SHANK2: variants seen among roughly 807,000 people sequenced by gnomAD.
The protein encoded by SHANK2 is SH3 and multiple ankyrin repeat domains protein 2.
Under a neutral mutation model 133.7 loss-of-function variants are expected in SHANK2, and 43 were observed. The observed-to-expected ratio is 0.32, with a 90% CI of 0.25 to 0.41. The LOEUF (loss-of-function observed/expected upper bound fraction) is 0.41. Among genes scored for constraint, SHANK2 ranks in the 10% least tolerant of loss-of-function variants. SHANK2 has a pLI of 1.00. For missense variants in SHANK2, 1,994 were observed against 2,235.8 expected (o/e 0.89, Z 2.18); for synonymous variants, 1,017 against 952.8 (o/e 1.07, Z -1.24).
chr11:70,672,246 T>C (rs1555016259), intron 15 of SHANK2, among the ~76,000 whole-genome samples: 1 of 152,048 alleles, frequency 6.6e-6, no homozygotes, highest in Non-Finnish European at 1.5e-5. Flanking sequence ...ATATTTTTAG[T>C]AGAGACAGGG....
intron 14 of SHANK2, among the ~76,000 whole-genome samples, chr11:70,761,939 T>C (rs1230094942): frequency 6.6e-6 from 1 of 152,166 alleles, no homozygotes; most frequent in African/African-American, 2.4e-5. Flanking sequence ...CTGCTGCTGC[T>C]GGTCTGGGGC....
At chr11:70,826,907 CA>C (rs1480014585) in intron 11 of SHANK2, 3 of 196,662 alleles carry the variant, frequency 1.5e-5, no homozygotes, top group Non-Finnish European at 3.2e-5. Context: ...GCTCGAGCCC[CA>C]GTTATCCAAG....
At chr11:70,845,904 A>G (rs1266127856) in intron 11 of SHANK2, among the ~76,000 whole-genome samples, 1 of 152,284 alleles carries the variant, frequency 6.6e-6, no homozygotes, top group South Asian at 2.1e-4. Flanking sequence ...TGAAACAACA[A>G]GCAACGCACT....
chr11:70,501,822 C>A, intron 20 of SHANK2, 101 bp downstream of exon 20: 1 of 1,219,154 alleles, frequency 8.2e-7, no homozygotes. Context: ...ACGTGGGGAG[C>A]AGCTCACACA....
rs74338233 is a variant in SHANK2, at chr11:70,913,836, G to A, written c.1108-17269C>T. Among the ~76,000 whole-genome samples, 90 of 152,262 alleles carry A rather than the reference G, an allele frequency of 5.9e-4. 2 individuals carry two copies. In the East Asian group the frequency reaches 0.016, roughly 28 times the overall value. The stretch of plus-strand genomic sequence containing the variant: ...GATGGCCAGGCTCTCTGTGCTTCTG[G>A]TTCAATCAGAGCCGGTCTTTTCATT... On this transcript the variant is annotated intron_variant, in intron 10 of 25. Transcript: ENST00000601538.
intron 17 of SHANK2, among the ~76,000 whole-genome samples, chr11:70,509,276 G>A (rs2059170701): frequency 6.6e-6 from 1 of 152,210 alleles, no homozygotes; most frequent in African/African-American, 2.4e-5. Context: ...AGCACCAGCT[G>A]TTGCCCATGC....
chr11:70,617,174 G>A lies in SHANK2; in HGVS notation c.2061+42654C>T, dbSNP rs543251415. ...GAAAGGGTGTGTGAGCTGTCTGTGT[G>A]TGTGTGTCAGTGTCTATGAATGTGT... On this transcript the variant is annotated intron_variant, in intron 17 of 25. Coordinates refer to ENST00000601538, the MANE Select transcript of SHANK2 (RefSeq NM_012309.5). Among the ~76,000 whole-genome samples, 7 of 151,906 alleles carry A rather than the reference G, an allele frequency of 4.6e-5. No individual in the cohort carries two copies. The East Asian group carries it at 1.4e-3, about 29-fold the overall frequency.
At chr11:71,105,091 G>C (rs117014693) in intron 6 of SHANK2, among the ~76,000 whole-genome samples, 3 of 152,274 alleles carry the variant, frequency 2.0e-5, no homozygotes, top group Non-Finnish European at 4.4e-5. Context: ...TGTCCTTTAG[G>C]AGGCAAGTGG....
chr11:71,243,100 T>C (rs978792991), intron 1 of SHANK2, among the ~76,000 whole-genome samples: 2 of 152,208 alleles, frequency 1.3e-5, no homozygotes, highest in Non-Finnish European at 1.5e-5. Flanking sequence ...TAAATGTCTA[T>C]GTTAAAAAGA....
At chr11:70,602,789 G>A (rs1361168979) in intron 17 of SHANK2, among the ~76,000 whole-genome samples, 1 of 152,150 alleles carries the variant, frequency 6.6e-6, no homozygotes, top group Non-Finnish European at 1.5e-5. Context: ...AGTATAAATT[G>A]TATAACATTA....
intron 10 of SHANK2, among the ~76,000 whole-genome samples, chr11:70,914,431 G>A (rs1163159869): frequency 2.6e-5 from 4 of 151,932 alleles, no homozygotes; most frequent in Admixed American, 1.3e-4. Context: ...GGGCCTTCCC[G>A]GGAATACAGA....
At chr11:70,577,664 C>T (rs1037146998) in intron 17 of SHANK2, among the ~76,000 whole-genome samples, 4 of 152,202 alleles carry the variant, frequency 2.6e-5, no homozygotes, top group Non-Finnish European at 5.9e-5. Context: ...AGGCCCACCC[C>T]CACCTGAGCA....
intron 8 of SHANK2, among the ~76,000 whole-genome samples, chr11:71,090,204 GTCC>G (rs1951483844): frequency 2.1e-5 from 2 of 97,488 alleles, no homozygotes; most frequent in African/African-American, 7.5e-5. Flanking sequence ...GTGTGTATGT[GTCC>G]TGCTGCTTCT....
At chr11:70,898,325 T>C (rs1479336026) in intron 10 of SHANK2, among the ~76,000 whole-genome samples, 2 of 133,748 alleles carry the variant, frequency 1.5e-5, no homozygotes, top group Non-Finnish European at 3.1e-5. Flanking sequence ...TATATATGTG[T>C]ATATATATAT....
At chr11:70,918,033 T>TGC (rs1950294108) in intron 10 of SHANK2, among the ~76,000 whole-genome samples, 2 of 149,948 alleles carry the variant, frequency 1.3e-5, no homozygotes, top group Non-Finnish European at 3.0e-5. Flanking sequence ...TTTTTTTTTT[T>TGC]TTTTTTTTTT....
At chr11:70,771,730 G>A (rs1379333353) in intron 14 of SHANK2, among the ~76,000 whole-genome samples, 3 of 152,112 alleles carry the variant, frequency 2.0e-5, no homozygotes, top group African/African-American at 4.8e-5. Context: ...CTGGGCTGCC[G>A]GCCAGCCTGC....
At position 70,486,532 on chromosome 11, in the gene SHANK2, C is replaced by G; in HGVS notation, c.3761G>C (p.Arg1254Pro). The G allele has an allele frequency of 6.2e-7, 1 of 1,614,114 alleles. No homozygotes were observed. The highest frequency in any genetic ancestry group is 8.5e-7 in the Non-Finnish European group (1 of 1,180,038). The change falls in exon 25 of 26, where the codon CGG becomes CCG. Residue 1254 changes from arginine (R) to proline (P), a missense_variant. Arg to Pro is a moderately radical substitution (Grantham distance 103). Around this residue, in one of 5 missense-constraint regions of SHANK2, gnomAD observed 797 missense variants for 907.4 expected, o/e 0.88. Coordinates refer to ENST00000601538, the MANE Select transcript of SHANK2 (RefSeq NM_012309.5). The surrounding 1 kb of genome is among the most constrained non-coding windows in gnomAD (Gnocchi z 8.0). ...AGGGAAGCCGGCATCCAGGCTGGGCCGCATTTTGGTATCAATGTAAAGAGG... is the reference window on the plus strand; with the variant it reads ...AGGGAAGCCGGCATCCAGGCTGGGCGGCATTTTGGTATCAATGTAAAGAGG... Reference protein sequence around the residue: ...NKPLYIDTKMRPSLDAGFPTV... With the variant: ...NKPLYIDTKMPPSLDAGFPTV...
intron 6 of SHANK2, among the ~76,000 whole-genome samples, chr11:71,097,466 T>C (rs1403759454): frequency 6.6e-6 from 1 of 152,248 alleles, no homozygotes; most frequent in East Asian, 1.9e-4. Flanking sequence ...GAAATTTCTT[T>C]AGTTTTAAAA....
intron 11 of SHANK2, among the ~76,000 whole-genome samples, chr11:70,871,752 A>G (rs1342056689): frequency 6.6e-6 from 1 of 152,166 alleles, no homozygotes; most frequent in African/African-American, 2.4e-5. Context: ...CTGTGGCCAC[A>G]TGGGGGCTGG....
Sources: allele counts gnomAD v4.1 joint callset (sites outside exome capture counted in the v4.1 genomes callset), GRCh38; gene constraint gnomAD v4.1.1; regional missense constraint gnomAD v4.1.1; non-coding constraint Gnocchi (gnomAD v3.1); transcripts MANE v1.5; gene names NCBI Gene and HGNC (gene_info 2026-07-23, HGNC 2026-07-21).